Variants in IL1RAPL1 observed in about 807,000 individuals in gnomAD.
IL1RAPL1 encodes the protein interleukin 1 receptor accessory protein like 1.
IL1RAPL1 carries 3 observed loss-of-function variants against 48.4 expected under a neutral mutation model. The ratio of observed to expected loss-of-function variants is 0.06; its 90% CI spans 0.03 to 0.16. The LOEUF (loss-of-function observed/expected upper bound fraction) is 0.16. Among genes scored for constraint, IL1RAPL1 ranks in the 10% least tolerant of loss-of-function variants. The pLI is 1.00. For synonymous variants in IL1RAPL1, 185 were observed against 187.7 expected, an observed-to-expected ratio of 0.99 and a Z score of 0.12; for missense variants, 349 against 530.6, an observed-to-expected ratio of 0.66 and a Z score of 3.36.
At chrX:28,888,883 A>C (rs987869122) in intron 2 of IL1RAPL1, among the ~76,000 whole-genome samples, 1 of 110,775 alleles carries the variant, frequency 9.0e-6, no homozygotes, top group Non-Finnish European at 1.9e-5. Flanking sequence ...ACTAACAATA[A>C]TTACCAAATA....
At chrX:29,474,237 T>C (rs1934950939) in intron 5 of IL1RAPL1, among the ~76,000 whole-genome samples, 1 of 112,151 alleles carries the variant, frequency 8.9e-6, no homozygotes, top group Non-Finnish European at 1.9e-5. Context: ...CCTGAACCTA[T>C]GTGTGTTGGC....
At chrX:29,099,941 T>C (rs1241867240) in intron 2 of IL1RAPL1, among the ~76,000 whole-genome samples, 1 of 111,181 alleles carries the variant, frequency 9.0e-6, no homozygotes, top group Non-Finnish European at 1.9e-5. Flanking sequence ...AGGCCGGGCG[T>C]GGTGGCTCAT....
intron 3 of IL1RAPL1, among the ~76,000 whole-genome samples, chrX:29,349,004 A>G (rs930241162): frequency 8.9e-6 from 1 of 112,267 alleles, no homozygotes; most frequent in African/African-American, 3.2e-5. Context: ...CATGAGGCAA[A>G]TTGATGAGTG....
intron 6 of IL1RAPL1, among the ~76,000 whole-genome samples, chrX:29,857,738 G>A (rs1164607905): frequency 9.0e-6 from 1 of 111,633 alleles, no homozygotes; most frequent in African/African-American, 3.3e-5. Flanking sequence ...AGGAGCCCTT[G>A]TAAGAAAATG....
Position 29,861,136 on chromosome X carries a change from A to G in IL1RAPL1, c.779-56328A>G, listed in dbSNP as rs182754545. On this transcript the variant is annotated intron_variant, in intron 6 of 10. Coordinates refer to ENST00000378993, the MANE Select transcript of IL1RAPL1 (RefSeq NM_014271.4). ...TTTTCTTGAAGAGTGCAAAAAATGT[A>G]TTCCTTTGAGTGAATGAAAATCAAT... 1.7e-3 allele frequency among the ~76,000 whole-genome samples: 195 copies of G among 112,046 alleles called. 1 individual carries two copies. Among genetic ancestry groups the G allele is most frequent in the African/African-American group, 5.9e-3 (182 of 30,906 alleles).
chrX:28,940,600 G>A (rs1924141439), intron 2 of IL1RAPL1, among the ~76,000 whole-genome samples: 1 of 110,836 alleles, frequency 9.0e-6, no homozygotes, highest in Admixed American at 9.7e-5. Flanking sequence ...AGACAAATAA[G>A]ATGTGTTTGG....
In IL1RAPL1 at chrX:29,802,795, A is replaced by G. The variant is rs865925870; in HGVS notation, c.779-114669A>G. On this transcript the variant is annotated intron_variant, in intron 6 of 10. Coordinates refer to ENST00000378993, the MANE Select transcript of IL1RAPL1 (RefSeq NM_014271.4). ...TATATATATATATGTGTGTGTGTAT[A>G]TATATATATATATATGTGTGTATAT... Among the ~76,000 whole-genome samples, 123 of 51,448 alleles carry G rather than the reference A, an allele frequency of 2.4e-3. 4 individuals carry two copies. The highest frequency in any genetic ancestry group is 0.016 in the African/African-American group (118 of 7,505). The allele number at this position is 51,448 out of a possible 115,157, so 44.7% of individuals were successfully genotyped here.
chrX:29,925,412 GTTTTTTTTTTTTTT>G (rs763481708), intron 8 of IL1RAPL1, among the ~76,000 whole-genome samples: 5 of 11,466 alleles, frequency 4.4e-4, no homozygotes, highest in African/African-American at 1.0e-3. Flanking sequence ...TCCCGTAACT[GTTTTTTTTTTTTTT>G]TTTTTTTTTT....
intron 2 of IL1RAPL1, among the ~76,000 whole-genome samples, chrX:29,167,096 G>GT (rs1256173579): frequency 1.8e-5 from 2 of 111,707 alleles, no homozygotes; most frequent in Non-Finnish European, 3.8e-5. Context: ...AAATAAGGCC[G>GT]TATGTTCTTT....
intron 5 of IL1RAPL1, among the ~76,000 whole-genome samples, chrX:29,421,911 C>G (rs955354736): frequency 9.0e-6 from 1 of 111,698 alleles, no homozygotes; most frequent in African/African-American, 3.3e-5. Context: ...GTAAAGACTT[C>G]GCCTTCACCC....
rs899409088 is a variant in IL1RAPL1 at position 29,137,256 on chromosome X, G to GCA, written c.83-145681_83-145680insAC. 3.6e-4 allele frequency among the ~76,000 whole-genome samples: 10 copies of GCA among 27,608 alleles called. No individual in the cohort carries two copies. In the East Asian group the frequency reaches 0.015, roughly 40 times the overall value. 24.0% of individuals were successfully genotyped at this position (27,608 alleles called of 115,157 possible). On this transcript the variant is annotated intron_variant, in intron 2 of 10. Transcript: ENST00000378993. Reference sequence around the variant, plus strand: ...TAAAAAATTACACACACACACTTGCGCTCACACACACACACACACACACAC... The same window carrying GCA: ...TAAAAAATTACACACACACACTTGCGCACTCACACACACACACACACACACAC...
chrX:29,372,940 C>T lies in IL1RAPL1; in HGVS notation c.363-23318C>T, dbSNP rs377516849. Among the ~76,000 whole-genome samples the T allele has an allele frequency of 8.2e-5, 9 of 110,183 alleles. No individual in the cohort carries two copies. The East Asian group carries it at 2.0e-3, about 24-fold the overall frequency. On this transcript the variant is annotated intron_variant, in intron 3 of 10. Transcript: ENST00000378993. Reference sequence around the variant, plus strand: ...TTTGGCTCCACATGGATTTTAGAATCGTTTTTCTAATTCTGTGAAAAATGA... The same window carrying T: ...TTTGGCTCCACATGGATTTTAGAATTGTTTTTCTAATTCTGTGAAAAATGA...
At chrX:29,556,460 C>G (rs1324055007) in intron 5 of IL1RAPL1, among the ~76,000 whole-genome samples, 1 of 110,371 alleles carries the variant, frequency 9.1e-6, no homozygotes, top group Admixed American at 9.7e-5. Flanking sequence ...CCAGCCTAAC[C>G]AACATAGTGA....
chrX:29,718,275 A>G (rs190127553), intron 6 of IL1RAPL1, among the ~76,000 whole-genome samples: 1 of 111,084 alleles, frequency 9.0e-6, no homozygotes, highest in African/African-American at 3.3e-5. Flanking sequence ...CTATGCAGCT[A>G]TAAAAAAGGA....
At chrX:29,931,495 T>C (rs776643761) in intron 8 of IL1RAPL1, among the ~76,000 whole-genome samples, 6 of 111,731 alleles carry the variant, frequency 5.4e-5, no homozygotes, top group Non-Finnish European at 9.4e-5. Flanking sequence ...ATTAAACCCC[T>C]AAAGAAACAA....
intron 1 of IL1RAPL1, among the ~76,000 whole-genome samples, chrX:28,650,932 C>G (rs1934676626): frequency 9.0e-6 from 1 of 111,692 alleles, no homozygotes; most frequent in African/African-American, 3.3e-5. Context: ...ATCTGAAAAT[C>G]CAAAAATCTA....
chrX:29,605,439 T>C (rs1404140197), intron 5 of IL1RAPL1, among the ~76,000 whole-genome samples: 1 of 109,709 alleles, frequency 9.1e-6, no homozygotes, highest in Non-Finnish European at 1.9e-5. Context: ...CTCATTGTTA[T>C]TGAGTATTAT....
chrX:29,953,942 A>C (rs1195757149), intron 9 of IL1RAPL1, among the ~76,000 whole-genome samples: 2 of 110,778 alleles, frequency 1.8e-5, no homozygotes, highest in Non-Finnish European at 3.8e-5. Flanking sequence ...TGCATCAAAA[A>C]TGGTGAAATT....
intron 1 of IL1RAPL1, among the ~76,000 whole-genome samples, chrX:28,703,566 A>T (rs1352317574): frequency 9.0e-6 from 1 of 111,121 alleles, no homozygotes; most frequent in African/African-American, 3.3e-5. Flanking sequence ...CAACCCCCTA[A>T]AGAATATCTG....
Sources: gnomAD v4.1 joint callset for allele counts (sites outside exome capture counted in the v4.1 genomes callset) on GRCh38, gnomAD v4.1.1 for gene constraint, MANE v1.5 for transcripts, NCBI Gene and HGNC (gene_info 2026-07-23, HGNC 2026-07-21) for gene names.